Variants in TBC1D16 observed in about 807,000 individuals in gnomAD.
TBC1D16 encodes the protein CTD-2529O21.1.
In TBC1D16, 58 loss-of-function variants were observed where a neutral mutation model predicts 74.7. The ratio of observed to expected loss-of-function variants is 0.78; its 90% CI spans 0.63 to 0.97. The LOEUF (loss-of-function observed/expected upper bound fraction) is 0.97, where lower values mean the gene tolerates loss of function less well. Ranked by LOEUF, TBC1D16 falls within the 50% of genes least tolerant of loss-of-function variation. TBC1D16 has a pLI of 0.00. For missense variants in TBC1D16, 1,014 were observed against 1,079.5 expected, an observed-to-expected ratio of 0.94 and a Z score of 0.85; for synonymous variants, 493 against 474.7, an observed-to-expected ratio of 1.04 and a Z score of -0.50.
intron 8 of TBC1D16, 116 bp downstream of exon 8, chr17:79,948,756 T>C (rs915959996): frequency 1.5e-6 from 2 of 1,355,342 alleles, no homozygotes; most frequent in Non-Finnish European, 2.1e-6. Context: ...CTTTGATGTA[T>C]GAACCTGGAA....
Position 79,988,236 on chromosome 17 carries a change from C to T in TBC1D16, c.779+21924G>A, listed in dbSNP as rs942683578. On this transcript the variant is annotated intron_variant, in intron 3 of 11. Coordinates refer to ENST00000310924, the MANE Select transcript of TBC1D16 (RefSeq NM_019020.4). The surrounding 1 kb of genome is among the most constrained non-coding windows in gnomAD (Gnocchi z 5.7). The stretch of plus-strand genomic sequence containing the variant: ...TGGCCACCAGCCAGGGCCGTGGCTC[C>T]TCGGCAAGTGGGCGTCCGCCGAGCC... Among the ~76,000 whole-genome samples, 1 of 152,200 alleles carries T rather than the reference C, an allele frequency of 6.6e-6. No homozygotes were observed. The highest frequency in any genetic ancestry group is 2.4e-5 in the African/African-American group (1 of 41,458).
Position 79,956,691 on chromosome 17 carries a change from C to T in TBC1D16, c.780-3873G>A, listed in dbSNP as rs1375384203. ...CCTTCAAACATATTGAGCTGTGGTT[C>T]TCAAGGTTACCAGGGCCAGATTTTA... On this transcript the variant is annotated intron_variant, in intron 3 of 11. Transcript: ENST00000310924. The surrounding 1 kb of genome is among the most constrained non-coding windows in gnomAD (Gnocchi z 4.0). Among the ~76,000 whole-genome samples, 1 of 152,192 alleles carries T rather than the reference C, an allele frequency of 6.6e-6. No homozygotes were observed. Among genetic ancestry groups the T allele is most frequent in the Non-Finnish European group, 1.5e-5 (1 of 68,036 alleles).
chr17:80,003,143 G>A (rs1034118268), intron 3 of TBC1D16, among the ~76,000 whole-genome samples: 14 of 152,170 alleles, frequency 9.2e-5, no homozygotes, highest in African/African-American at 2.4e-4. Context: ...AGGGGGTCCC[G>A]GCAGCACCCC....
chr17:79,984,269 A>C (rs963376409), intron 3 of TBC1D16, among the ~76,000 whole-genome samples: 1 of 152,182 alleles, frequency 6.6e-6, no homozygotes, highest in Non-Finnish European at 1.5e-5. Context: ...AGTCTCCCAA[A>C]GCACTGGGAT....
At chr17:79,942,036 G>A (rs1379656186) in intron 11 of TBC1D16, 24 bp downstream of exon 11, 1 of 1,595,800 alleles carries the variant, frequency 6.3e-7, no homozygotes, top group South Asian at 1.1e-5. Context: ...GGCGGGGTGG[G>A]GCCCACATCT....
At chr17:79,951,625 G>A in intron 4 of TBC1D16, 28 bp from the exon 5 acceptor site, 1 of 1,604,792 alleles carries the variant, frequency 6.2e-7, no homozygotes, top group Non-Finnish European at 8.5e-7. Context: ...GGGGGAGAGG[G>A]AAGCCCGATG....
At chr17:79,959,221 C>T (rs941728149) in intron 3 of TBC1D16, among the ~76,000 whole-genome samples, 1 of 152,052 alleles carries the variant, frequency 6.6e-6, no homozygotes, top group Non-Finnish European at 1.5e-5. Context: ...TACTGAAAAA[C>T]ACAAAAATTG....
intron 3 of TBC1D16, among the ~76,000 whole-genome samples, chr17:79,974,041 A>G (rs1166260832): frequency 1.3e-5 from 2 of 152,142 alleles, no homozygotes; most frequent in East Asian, 3.8e-4. Flanking sequence ...TGTCAGCATC[A>G]CTGCTCTGGT....
chr17:79,943,837 A>G, intron 10 of TBC1D16: 1 of 1,359,522 alleles, frequency 7.4e-7, no homozygotes, highest in Non-Finnish European at 9.5e-7. Context: ...ACGTAAAGGA[A>G]TGAGGGCGGC....
Position 80,010,815 on chromosome 17 carries a change from T to C in TBC1D16, c.182-58A>G. On this transcript the variant is annotated intron_variant, in intron 2 of 11. Coordinates refer to ENST00000310924, the MANE Select transcript of TBC1D16 (RefSeq NM_019020.4). This position sits in a 1 kb window ranked among gnomAD's most constrained non-coding sequence, Gnocchi z 8.8. ...GCCAGGAGGCTGTGGATGAGGCCCT[T>C]GTGGTACCTTTGGCGAGCTGCTCGG... The C allele has an allele frequency of 7.6e-7, 1 of 1,322,634 alleles. No homozygotes were observed. The highest frequency in any genetic ancestry group is 1.0e-6 in the Non-Finnish European group (1 of 998,648). The allele number at this position is 1,322,634 out of a possible 1,614,324, so 81.9% of individuals were successfully genotyped here.
chr17:80,032,620 C>T lies in TBC1D16; in HGVS notation c.-63+3175G>A, dbSNP rs1427409993. Among the ~76,000 whole-genome samples, 6 of 152,292 alleles carry T rather than the reference C, an allele frequency of 3.9e-5. No homozygotes were observed. In the East Asian group the frequency reaches 1.2e-3, roughly 29 times the overall value. On this transcript the variant is annotated intron_variant, in intron 1 of 11. Coordinates refer to ENST00000310924, the MANE Select transcript of TBC1D16 (RefSeq NM_019020.4). ...AAGCCAACAGGATAAAAAACACTGC[C>T]GCTGAGGTGAACGGAAAAAGGCCTC...
intron 1 of TBC1D16, among the ~76,000 whole-genome samples, chr17:80,034,978 T>C (rs143768370): frequency 6.6e-4 from 100 of 152,376 alleles, no homozygotes; most frequent in Middle Eastern, 3.4e-3. Flanking sequence ...CAGCTTCTCA[T>C]TTGAACTTGA....
intron 2 of TBC1D16, among the ~76,000 whole-genome samples, chr17:80,012,321 C>A (rs1054789533): frequency 1.3e-5 from 2 of 152,152 alleles, no homozygotes; most frequent in African/African-American, 4.8e-5. Flanking sequence ...GGCCAGGCAA[C>A]CTCCGGGTCG....
intron 3 of TBC1D16, among the ~76,000 whole-genome samples, chr17:79,996,269 T>A (rs374036987): frequency 5.9e-5 from 9 of 152,162 alleles, no homozygotes; most frequent in East Asian, 3.8e-4. Context: ...CCAAAGGTTG[T>A]CCCCATAAGC....
At chr17:80,015,469 G>A (rs1267686570) in intron 1 of TBC1D16, among the ~76,000 whole-genome samples, 5 of 151,800 alleles carry the variant, frequency 3.3e-5, no homozygotes, top group Admixed American at 6.6e-5. Context: ...TAAAAGACAG[G>A]CACAGAGCCA....
chr17:80,019,786 A>G (rs2036222664), intron 1 of TBC1D16, among the ~76,000 whole-genome samples: 1 of 149,680 alleles, frequency 6.7e-6, no homozygotes, highest in Non-Finnish European at 1.5e-5. Context: ...CCCTATAATG[A>G]ATGAGTTAAT....
At chr17:80,029,689 G>A (rs184400764) in intron 1 of TBC1D16, among the ~76,000 whole-genome samples, 1 of 152,192 alleles carries the variant, frequency 6.6e-6, no homozygotes, top group Non-Finnish European at 1.5e-5. Context: ...TGACACAACC[G>A]TCTCCCCTCT....
chr17:79,977,243 A>G (rs1199611795), intron 3 of TBC1D16, among the ~76,000 whole-genome samples: 1 of 152,164 alleles, frequency 6.6e-6, no homozygotes, highest in Non-Finnish European at 1.5e-5. Context: ...GGGAAGATGC[A>G]TGGAGCCCCG....
chr17:80,019,417 C>T (rs1042392219), intron 1 of TBC1D16, among the ~76,000 whole-genome samples: 1 of 144,304 alleles, frequency 6.9e-6, no homozygotes, highest in East Asian at 2.0e-4. Context: ...CTCCATCACC[C>T]GCCACCTGGG....
Sources: allele counts gnomAD v4.1 joint callset (sites outside exome capture counted in the v4.1 genomes callset), GRCh38; gene constraint gnomAD v4.1.1; non-coding constraint Gnocchi (gnomAD v3.1); transcripts MANE v1.5; gene names NCBI Gene and HGNC (gene_info 2026-07-23, HGNC 2026-07-21).